The following RALGPS1 variants were observed in gnomAD, a reference collection of about 807,000 sequenced individuals.
RALGPS1 encodes ras-specific guanine nucleotide-releasing factor RalGPS1.
Under a neutral mutation model 78.8 loss-of-function variants are expected in RALGPS1, and 19 were observed. The observed-to-expected ratio is 0.24, with a 90% CI of 0.17 to 0.35. The LOEUF is 0.35. Among genes scored for constraint, RALGPS1 ranks in the 10% least tolerant of loss-of-function variants. The probability of loss-of-function intolerance (pLI) is 1.00; values close to 1 mark genes in which losing one functional copy is unlikely to be tolerated. For synonymous variants in RALGPS1, 228 were observed against 256.3 expected (o/e 0.89, Z 1.06); for missense variants, 454 against 688.3 (o/e 0.66, Z 3.81).
intron 8 of RALGPS1, chr9:127,093,894 C>T (rs2052793124): frequency 1.2e-6 from 2 of 1,614,036 alleles, no homozygotes; most frequent in East Asian, 2.2e-5. Flanking sequence ...TCGTGGCCAT[C>T]CTCCAGGGCC....
chr9:126,991,750 T>C (rs1486224445), intron 4 of RALGPS1, among the ~76,000 whole-genome samples: 7 of 152,224 alleles, frequency 4.6e-5, no homozygotes, highest in African/African-American at 1.7e-4. Context: ...GATACCCATC[T>C]CATAGTGTTA....
intron 10 of RALGPS1, among the ~76,000 whole-genome samples, chr9:127,170,347 T>A (rs1272803039): frequency 1.3e-5 from 2 of 152,240 alleles, no homozygotes; most frequent in African/African-American, 4.8e-5. Flanking sequence ...AAAATCTGTA[T>A]TTTTTCAAAG....
chr9:126,990,586 C>T (rs958476730), intron 4 of RALGPS1, among the ~76,000 whole-genome samples: 6 of 152,250 alleles, frequency 3.9e-5, no homozygotes, highest in Admixed American at 6.5e-5. Flanking sequence ...TCAGCACCTC[C>T]GCACAGGTTG....
At chr9:127,128,033 A>ACCCCCCCCCCCCC (rs2056752272) in intron 8 of RALGPS1, among the ~76,000 whole-genome samples, 1 of 32,126 alleles carries the variant, frequency 3.1e-5, no homozygotes, top group African/African-American at 1.2e-4. Flanking sequence ...CCAGCCCCCC[A>ACCCCCCCCCCCCC]CCCCCCTCTC....
In RALGPS1 at chr9:127,210,576, G is replaced by A; in HGVS notation, c.1248-1555G>A. 14 of 707,354 alleles carry A rather than the reference G, an allele frequency of 2.0e-5. No homozygotes were observed. In the South Asian group the frequency reaches 2.4e-4, roughly 12 times the overall value. 43.8% of individuals were successfully genotyped at this position (707,354 alleles called of 1,614,324 possible). A position where few individuals can be genotyped will look rare whatever the true frequency, so the allele number is the denominator to read the frequency against. The stretch of plus-strand genomic sequence containing the variant: ...GCTGGGGAGGAGTTGGGGAGGGAGG[G>A]AGGTTGCTCTGCGGGACTTCCTGAG... On this transcript the variant is annotated intron_variant, in intron 14 of 18. Coordinates refer to ENST00000259351, the MANE Select transcript of RALGPS1 (RefSeq NM_014636.3).
chr9:127,187,858 C>G (rs1230864851), intron 11 of RALGPS1, among the ~76,000 whole-genome samples: 1 of 152,230 alleles, frequency 6.6e-6, no homozygotes, highest in African/African-American at 2.4e-5. Flanking sequence ...CGGAGCCTGC[C>G]TGTGTTGCAG....
intron 11 of RALGPS1, among the ~76,000 whole-genome samples, chr9:127,190,767 T>G (rs908815863): frequency 6.6e-6 from 1 of 152,180 alleles, no homozygotes; most frequent in Non-Finnish European, 1.5e-5. Context: ...AAAACCTCAA[T>G]TAGAATCACC....
chr9:126,949,643 C>G (rs2037618288), intron 1 of RALGPS1, among the ~76,000 whole-genome samples: 1 of 144,790 alleles, frequency 6.9e-6, no homozygotes, highest in African/African-American at 2.4e-5. Context: ...ATCCTTTGCC[C>G]ACTTTTTGAT....
chr9:126,969,237 G>T (rs947901414), intron 3 of RALGPS1, among the ~76,000 whole-genome samples: 1 of 152,282 alleles, frequency 6.6e-6, no homozygotes, highest in Admixed American at 6.5e-5. Context: ...TCCGATGTGT[G>T]TGTATGTAAG....
intron 4 of RALGPS1, among the ~76,000 whole-genome samples, chr9:127,000,301 T>C (rs1448720773): frequency 6.6e-6 from 1 of 152,166 alleles, no homozygotes; most frequent in Non-Finnish European, 1.5e-5. Flanking sequence ...ATTTGAGCGC[T>C]TTCTTCATTG....
chr9:127,050,727 C>T (rs1320450902), intron 6 of RALGPS1, among the ~76,000 whole-genome samples: 1 of 152,124 alleles, frequency 6.6e-6, no homozygotes, highest in African/African-American at 2.4e-5. Flanking sequence ...ATCCCGTGGG[C>T]CATCCTGGAG....
chr9:127,039,370 A>G (rs1013849761), intron 5 of RALGPS1, among the ~76,000 whole-genome samples: 1 of 152,204 alleles, frequency 6.6e-6, no homozygotes, highest in Non-Finnish European at 1.5e-5. Context: ...TGATTTTAGC[A>G]GCAAGGACAG....
At chr9:127,054,035 G>T (rs2048512650) in intron 7 of RALGPS1, among the ~76,000 whole-genome samples, 1 of 152,192 alleles carries the variant, frequency 6.6e-6, no homozygotes, top group Admixed American at 6.5e-5. Context: ...GGTGCCGCCA[G>T]GGGCTGAGAG....
chr9:126,997,665 A>G (rs935718373), intron 4 of RALGPS1, among the ~76,000 whole-genome samples: 2 of 152,196 alleles, frequency 1.3e-5, no homozygotes, highest in African/African-American at 4.8e-5. Context: ...ATTGGAAAAA[A>G]CTACTTAAAA....
At chr9:127,083,668 A>C (rs2051396796) in intron 8 of RALGPS1, among the ~76,000 whole-genome samples, 1 of 152,126 alleles carries the variant, frequency 6.6e-6, no homozygotes, top group Non-Finnish European at 1.5e-5. Context: ...TGTAAGAAGA[A>C]ACCAAACTCA....
At position 127,212,137 on chromosome 9, in the gene RALGPS1, C is replaced by T. The variant is rs574232768; in HGVS notation, c.1254C>T (p.Thr418=). 2.0e-5 allele frequency: 33 copies of T among 1,612,016 alleles called. No homozygotes were observed. The highest frequency in any genetic ancestry group is 7.7e-5 in the South Asian group (7 of 90,742). The change falls in exon 15 of 19, where the codon ACC becomes ACT. Residue 418 remains threonine, a synonymous_variant. Transcript: ENST00000259351. This position sits in a 1 kb window ranked among gnomAD's most constrained non-coding sequence, Gnocchi z 6.0. ...ACTGGTAGTCTCTCCTCAGCCCCAC[C>T]GGCCCGTGCATCTGTTCTCTGGGGA... The part of the protein sequence containing the change: ...EEMSSGLESP[T]GPCICSLGNS...
chr9:127,006,031 C>CAACAAACTGGGCATCAAAGG (rs1482876204), intron 4 of RALGPS1, among the ~76,000 whole-genome samples: 1 of 152,178 alleles, frequency 6.6e-6, no homozygotes, highest in Non-Finnish European at 1.5e-5. Context: ...TAAAAACACT[C>CAACAAACTGGGCATCAAAGG]AACAAACTGG....
intron 1 of RALGPS1, 58 bp from the exon 2 acceptor site, chr9:126,962,167 G>C (rs1277273936): frequency 6.7e-6 from 6 of 895,792 alleles, no homozygotes; most frequent in Non-Finnish European, 1.1e-5. Context: ...ACTTTTGCCT[G>C]GGGGTGGGGA....
At chr9:127,053,260 C>T (rs975836438) in intron 7 of RALGPS1, among the ~76,000 whole-genome samples, 1 of 152,132 alleles carries the variant, frequency 6.6e-6, no homozygotes, top group South Asian at 2.1e-4. Context: ...TTTTCTCTGG[C>T]AGGCTCCAAA....
Sources: gnomAD v4.1 joint callset for allele counts (sites outside exome capture counted in the v4.1 genomes callset) on GRCh38, gnomAD v4.1.1 for gene constraint, Gnocchi (gnomAD v3.1) non-coding constraint, MANE v1.5 for transcripts, NCBI Gene and HGNC (gene_info 2026-07-23, HGNC 2026-07-21) for gene names.